The following ENOX2 variants were observed in gnomAD, a reference collection of about 807,000 sequenced individuals.
ENOX2 encodes the protein ecto-NOX disulfide-thiol exchanger 2, also known as APK1 antigen.
In ENOX2, 36 loss-of-function variants were observed where a neutral mutation model predicts 45.0. That is an observed-to-expected ratio of 0.80 (90% confidence interval 0.61 to 1.06). ENOX2 has a LOEUF of 1.06. Among genes scored for constraint, ENOX2 ranks in the 50% least tolerant of loss-of-function variants. ENOX2 has a pLI of 0.00. For synonymous variants in ENOX2, 174 were observed against 152.3 expected (o/e 1.14, Z -1.05); for missense variants, 423 against 462.5 (o/e 0.91, Z 0.78).
At chrX:130,828,042 C>G (rs2077751481) in intron 2 of ENOX2, among the ~76,000 whole-genome samples, 1 of 112,311 alleles carries the variant, frequency 8.9e-6, no homozygotes, top group Non-Finnish European at 1.9e-5. Flanking sequence ...GTGATGTGAA[C>G]CTGCTCAACT....
At chrX:130,751,458 A>G (rs575036215) in intron 3 of ENOX2, among the ~76,000 whole-genome samples, 1 of 112,223 alleles carries the variant, frequency 8.9e-6, no homozygotes, top group South Asian at 3.7e-4. Context: ...ATTGATGGAC[A>G]TTAGGTTTGT....
chrX:130,747,063 G>A (rs2039112847), intron 3 of ENOX2, among the ~76,000 whole-genome samples: 1 of 112,289 alleles, frequency 8.9e-6, no homozygotes, highest in Admixed American at 9.4e-5. Context: ...GTTTTCCTAA[G>A]TTGTTTGATG....
At position 130,689,817 on chromosome X, in the gene ENOX2, T is replaced by C. The variant is rs145909348; in HGVS notation, c.98-799A>G. Among the ~76,000 whole-genome samples, 487 of 111,958 alleles carry C rather than the reference T, an allele frequency of 4.3e-3. 2 individuals carry two copies. The highest frequency in any genetic ancestry group is 0.015 in the African/African-American group (464 of 30,825). ...TTAATTCAGGGATGCCTCTAGCATG[T>C]GTGGGGGCACCCAAACAAGTATTTT... is the stretch of plus-strand genomic sequence containing the variant. On this transcript the variant is annotated intron_variant, in intron 4 of 14. Coordinates refer to ENST00000394363, the MANE Select transcript of ENOX2 (RefSeq NM_006375.4).
At chrX:130,766,236 C>T (rs1452437575) in intron 3 of ENOX2, among the ~76,000 whole-genome samples, 1 of 111,314 alleles carries the variant, frequency 9.0e-6, no homozygotes, top group Non-Finnish European at 1.9e-5. Context: ...GCTAACTGGC[C>T]AAATGTGTGT....
At chrX:130,848,241 T>C (rs765264849) in intron 2 of ENOX2, among the ~76,000 whole-genome samples, 16 of 111,260 alleles carry the variant, frequency 1.4e-4, no homozygotes, top group East Asian at 5.6e-4. Flanking sequence ...CCTGAAAAGA[T>C]TGAATTACAG....
At chrX:130,638,045 G>T (rs1470848417) in intron 10 of ENOX2, among the ~76,000 whole-genome samples, 3 of 108,997 alleles carry the variant, frequency 2.8e-5, no homozygotes, top group African/African-American at 1.0e-4. Flanking sequence ...CGCATTTCAA[G>T]ATTTCTTTCT....
intron 2 of ENOX2, among the ~76,000 whole-genome samples, chrX:130,850,013 A>ATTCC (rs2078179406): frequency 9.0e-6 from 1 of 111,656 alleles, no homozygotes; most frequent in Non-Finnish European, 1.9e-5. Flanking sequence ...CAGTTTGAAA[A>ATTCC]TCTATGGGCT....
intron 2 of ENOX2, among the ~76,000 whole-genome samples, chrX:130,895,160 T>C (rs2079042092): frequency 1.8e-5 from 2 of 112,032 alleles, no homozygotes; most frequent in South Asian, 7.6e-4. Context: ...GTCCTGGTGT[T>C]TAGCATAGGG....
intron 2 of ENOX2, among the ~76,000 whole-genome samples, chrX:130,894,409 T>C (rs1354917832): frequency 9.4e-6 from 1 of 106,945 alleles, no homozygotes; most frequent in Non-Finnish European, 1.9e-5. Context: ...GATGGTATTG[T>C]AGCTATATAT....
intron 2 of ENOX2, among the ~76,000 whole-genome samples, chrX:130,889,190 G>A (rs183012722): frequency 3.6e-5 from 4 of 111,903 alleles, no homozygotes; most frequent in Admixed American, 9.5e-5. Flanking sequence ...GGCAATGTTT[G>A]GGGATCTTTG....
chrX:130,633,508 T>C (rs1160889459), intron 12 of ENOX2, among the ~76,000 whole-genome samples: 2 of 112,903 alleles, frequency 1.8e-5, no homozygotes, highest in African/African-American at 6.4e-5. Context: ...GTTGGATCTT[T>C]TCCCCTGTCC....
chrX:130,837,732 A>G (rs2077951486), intron 2 of ENOX2, among the ~76,000 whole-genome samples: 1 of 111,679 alleles, frequency 9.0e-6, no homozygotes, highest in Non-Finnish European at 1.9e-5. Context: ...CAGTTTCTTT[A>G]TATGTAAAAA....
rs34648095 is a variant in ENOX2, at chrX:130,638,431, AACACACACACAC to A, written c.1130-1033_1130-1022del. 1.7e-4 allele frequency among the ~76,000 whole-genome samples: 16 copies of A among 92,781 alleles called. No individual in the cohort carries two copies. The South Asian group carries it at 2.1e-3, about 12-fold the overall frequency. The allele number at this position is 92,781 out of a possible 115,157, so 80.6% of individuals were successfully genotyped here. ...AAATAACTGTTAAACAACAATTTGA[AACACACACACAC>A]ACACACACACACACACACACACACA... On this transcript the variant is annotated intron_variant, in intron 10 of 14. Coordinates refer to ENST00000394363, the MANE Select transcript of ENOX2 (RefSeq NM_006375.4).
chrX:130,650,686 T>C (rs1341364456), intron 10 of ENOX2, among the ~76,000 whole-genome samples: 2 of 112,216 alleles, frequency 1.8e-5, no homozygotes, highest in East Asian at 2.8e-4. Flanking sequence ...TTTTTGGCTA[T>C]TTCCTATGTG....
chrX:130,815,991 C>T (rs903923292), intron 2 of ENOX2, among the ~76,000 whole-genome samples: 1 of 111,403 alleles, frequency 9.0e-6, no homozygotes, highest in Non-Finnish European at 1.9e-5. Context: ...GTGCTGTAAT[C>T]AGGAGACCCA....
At chrX:130,716,726 G>C (rs779813649) in intron 3 of ENOX2, among the ~76,000 whole-genome samples, 1 of 112,398 alleles carries the variant, frequency 8.9e-6, no homozygotes, top group Non-Finnish European at 1.9e-5. Context: ...ATTAATAATA[G>C]TGCCTTTCCT....
intron 2 of ENOX2, among the ~76,000 whole-genome samples, chrX:130,886,828 TTAA>T (rs2078912468): frequency 9.0e-6 from 1 of 111,720 alleles, no homozygotes; most frequent in East Asian, 2.8e-4. Context: ...AATACAGGAG[TTAA>T]TAAACTCTAG....
intron 6 of ENOX2, among the ~76,000 whole-genome samples, chrX:130,671,548 G>C (rs1036414918): frequency 8.9e-6 from 1 of 111,826 alleles, no homozygotes; most frequent in Non-Finnish European, 1.9e-5. Flanking sequence ...GCTGCACAGA[G>C]AAAGAGCTTC....
intron 2 of ENOX2, among the ~76,000 whole-genome samples, chrX:130,886,720 A>C (rs769536969): frequency 1.1e-4 from 12 of 112,076 alleles, no homozygotes; most frequent in African/African-American, 3.9e-4. Flanking sequence ...CAGTAATGAA[A>C]AATAACTAAA....
Sources: allele counts gnomAD v4.1 joint callset (sites outside exome capture counted in the v4.1 genomes callset), GRCh38; gene constraint gnomAD v4.1.1; transcripts MANE v1.5; gene names NCBI Gene and HGNC (gene_info 2026-07-23, HGNC 2026-07-21).